ACSM2A: variants seen among roughly 807,000 people sequenced by gnomAD.
The protein encoded by ACSM2A is acyl-CoA synthetase medium chain family member 2A.
Under a neutral mutation model 76.6 loss-of-function variants are expected in ACSM2A, and 72 were observed. The observed-to-expected ratio is 0.94, with a 90% CI of 0.78 to 1.14. ACSM2A has a LOEUF of 1.14. Among genes scored for constraint, ACSM2A ranks in the 50% most tolerant of loss-of-function variants. The pLI is 0.00. For synonymous variants in ACSM2A, 249 were observed against 255.9 expected, an observed-to-expected ratio of 0.97 and a Z score of 0.26; for missense variants, 684 against 708.5, an observed-to-expected ratio of 0.97 and a Z score of 0.39.
intron 1 of ACSM2A, among the ~76,000 whole-genome samples, chr16:20,458,001 T>C (rs2012298786): frequency 6.6e-6 from 1 of 151,994 alleles, no homozygotes. Context: ...CAAAAACCAG[T>C]AGCTCTGCCA....
At chr16:20,463,190 C>T (rs1379328195) in intron 2 of ACSM2A, among the ~76,000 whole-genome samples, 21 of 151,678 alleles carry the variant, frequency 1.4e-4, no homozygotes, top group South Asian at 8.3e-4. Flanking sequence ...ATGTGACAAA[C>T]GTGCACGTTG....
chr16:20,457,185 C>T (rs147889994), intron 1 of ACSM2A, among the ~76,000 whole-genome samples: 3,899 of 151,586 alleles, frequency 0.026, 163 homozygotes, highest in African/African-American at 0.088. Context: ...ACAACAACAA[C>T]GACAACAAAA....
At chr16:20,477,848 A>G (rs1267306466) in intron 9 of ACSM2A, among the ~76,000 whole-genome samples, 1 of 152,180 alleles carries the variant, frequency 6.6e-6, no homozygotes, top group Non-Finnish European at 1.5e-5. Context: ...TGTAGTAAAT[A>G]GTATATATCC....
chr16:20,459,053 C>A (rs1292351656), intron 1 of ACSM2A, among the ~76,000 whole-genome samples: 1 of 150,636 alleles, frequency 6.6e-6, no homozygotes, highest in East Asian at 2.0e-4. Context: ...GAATGGAAAC[C>A]CAAGCATCAT....
At chr16:20,480,743 A>G (rs758514006) in intron 11 of ACSM2A, 43 bp downstream of exon 11, 1 of 1,610,384 alleles carries the variant, frequency 6.2e-7, no homozygotes, top group Admixed American at 1.7e-5. Context: ...CTGGGTCTTT[A>G]CTCTGGCTGG....
chr16:20,455,217 T>A (rs377646318), intron 1 of ACSM2A, among the ~76,000 whole-genome samples: 3 of 145,886 alleles, frequency 2.1e-5, no homozygotes, highest in African/African-American at 8.0e-5. Flanking sequence ...GTTTGGGAAA[T>A]GTATTCAAGG....
At chr16:20,466,486 A>G (rs964384326) in intron 3 of ACSM2A, among the ~76,000 whole-genome samples, 5 of 152,166 alleles carry the variant, frequency 3.3e-5, no homozygotes, top group African/African-American at 1.2e-4. Flanking sequence ...GGTAGAGAAG[A>G]GTTTAATAAT....
chr16:20,475,683 T>C lies in ACSM2A; in HGVS notation c.1008T>C (p.Thr336=). The change falls in exon 8 of 14, where the codon ACT becomes ACC. Residue 336 remains threonine, a synonymous_variant. Transcript: ENST00000573854. ...YKFPHLQNCV[T]VGESLLPETL... ...TCCCCCATCTACAGAACTGCGTCAC[T>C]GTAGGGGAGTCCCTTCTTCCAGAAA... The C allele has an allele frequency of 6.2e-7, 1 of 1,614,082 alleles. No individual in the cohort carries two copies. Among genetic ancestry groups the C allele is most frequent in the African/African-American group, 1.3e-5 (1 of 75,048 alleles).
chr16:20,470,805 T>G (rs1189046877), intron 4 of ACSM2A: 1 of 623,526 alleles, frequency 1.6e-6, no homozygotes, highest in East Asian at 3.4e-5. Flanking sequence ...TTGATCTCAC[T>G]TTTTTTGCAG....
chr16:20,458,750 G>A (rs1434348813), intron 1 of ACSM2A, among the ~76,000 whole-genome samples: 1 of 141,606 alleles, frequency 7.1e-6, no homozygotes, highest in African/African-American at 2.6e-5. Flanking sequence ...GACAGCATGA[G>A]CTTGGAAGGA....
At chr16:20,464,810 C>G (rs1319374570) in intron 2 of ACSM2A, among the ~76,000 whole-genome samples, 1 of 151,994 alleles carries the variant, frequency 6.6e-6, no homozygotes, top group East Asian at 1.9e-4. Context: ...GATTGTGTAA[C>G]GGGGACAGAG....
Position 20,486,986 on chromosome 16 carries a change from G to T in ACSM2A, c.*308G>T, listed in dbSNP as rs963463700. The T allele has an allele frequency of 1.4e-5, 3 of 222,170 alleles. No homozygotes were observed. The East Asian group carries it at 2.8e-4, about 20-fold the overall frequency. The allele number at this position is 222,170 out of a possible 1,614,324, so 13.8% of individuals were successfully genotyped here. A position where few individuals can be genotyped will look rare whatever the true frequency, so the allele number is the denominator to read the frequency against. ...AAGTAGGGAAAGAAGGAGAGAGGAA[G>T]CAAGGGAAGGAGGAAGAAAGGAAAG... On this transcript the variant is annotated 3_prime_UTR_variant, in exon 14 of 14. Transcript: ENST00000573854.
At chr16:20,475,894 C>T in intron 8 of ACSM2A, 121 bp downstream of exon 8, 2 of 1,537,574 alleles carry the variant, frequency 1.3e-6, no homozygotes, top group Non-Finnish European at 1.7e-6. Flanking sequence ...TTTATTGAGC[C>T]TCTATGAAGG....
At chr16:20,455,294 G>A (rs1257553801) in intron 1 of ACSM2A, among the ~76,000 whole-genome samples, 3 of 150,778 alleles carry the variant, frequency 2.0e-5, no homozygotes, top group Non-Finnish European at 3.0e-5. Context: ...GAAGCTCAAA[G>A]AACACCTGGG....
intron 2 of ACSM2A, among the ~76,000 whole-genome samples, chr16:20,463,158 C>A (rs1004646343): frequency 1.3e-5 from 2 of 151,736 alleles, no homozygotes; most frequent in African/African-American, 2.4e-5. Flanking sequence ...GTGCAGCACA[C>A]CAACATGGCA....
chr16:20,477,592 TG>T (rs1596671314), intron 9 of ACSM2A, 143 bp downstream of exon 9: 1 of 1,420,834 alleles, frequency 7.0e-7, no homozygotes, highest in Non-Finnish European at 9.3e-7. Flanking sequence ...GTAGGGAGGT[TG>T]GGGGAAGGAA....
intron 1 of ACSM2A, chr16:20,453,211 C>T (rs2011895650): frequency 6.6e-6 from 1 of 152,062 alleles, no homozygotes; most frequent in Non-Finnish European, 1.5e-5. Context: ...CAAGTATCTA[C>T]TGTTAAAGTG....
Position 20,478,546 on chromosome 16 carries a change from A to G in ACSM2A, c.1180-30A>G, listed in dbSNP as rs1634309. The stretch of plus-strand genomic sequence containing the variant: ...ATTGAAGCCATCTCCTGCTGTGTGC[A>G]TCATTCTTCCAATCTGCTTCTTTCT... On this transcript the variant is annotated intron_variant, in intron 9 of 13. Transcript: ENST00000573854. 254 of 1,608,344 alleles carry G rather than the reference A, an allele frequency of 1.6e-4. 1 individual carries two copies. The East Asian group carries it at 3.6e-3, about 23-fold the overall frequency.
chr16:20,474,798 T>C (rs564667561), intron 6 of ACSM2A, among the ~76,000 whole-genome samples: 1 of 152,290 alleles, frequency 6.6e-6, no homozygotes, highest in Admixed American at 6.5e-5. Flanking sequence ...ATTGTAAAAA[T>C]TAAATGAGAT....
Sources: gnomAD v4.1 joint callset for allele counts (sites outside exome capture counted in the v4.1 genomes callset) on GRCh38, gnomAD v4.1.1 for gene constraint, MANE v1.5 for transcripts, NCBI Gene and HGNC (gene_info 2026-07-23, HGNC 2026-07-21) for gene names.